The following ANOS1 variants were observed in gnomAD, a reference collection of about 807,000 sequenced individuals.
ANOS1 encodes the protein anosmin-1.
A neutral mutation model predicts 59.0 loss-of-function variants in ANOS1; 6 were observed. That is an observed-to-expected ratio of 0.10 (90% CI 0.06 to 0.20). ANOS1 has a LOEUF of 0.20. Ranked by LOEUF, ANOS1 falls within the 10% of genes least tolerant of loss-of-function variation. The probability of loss-of-function intolerance (pLI) is 1.00; values close to 1 mark genes in which losing one functional copy is unlikely to be tolerated. For missense variants in ANOS1, 433 were observed against 542.3 expected (o/e 0.80, Z 2.00); for synonymous variants, 217 against 223.4 (o/e 0.97, Z 0.25).
At chrX:8,680,506 T>C (rs1932408760) in intron 2 of ANOS1, among the ~76,000 whole-genome samples, 1 of 111,446 alleles carries the variant, frequency 9.0e-6, no homozygotes. Flanking sequence ...TGAACCAGGG[T>C]GTTTTTGTTG....
chrX:8,560,150 T>C (rs1352793949), intron 8 of ANOS1, among the ~76,000 whole-genome samples: 3 of 111,614 alleles, frequency 2.7e-5, no homozygotes, highest in Non-Finnish European at 3.8e-5. Flanking sequence ...TTTGTTTTTC[T>C]TTGGAAACAG....
chrX:8,601,703 T>C (rs1334738898), intron 3 of ANOS1, among the ~76,000 whole-genome samples: 1 of 112,151 alleles, frequency 8.9e-6, no homozygotes, highest in Non-Finnish European at 1.9e-5. Context: ...TCTAGACTGG[T>C]TTATAATCTT....
chrX:8,667,652 G>C (rs894139595), intron 2 of ANOS1, among the ~76,000 whole-genome samples: 2 of 111,567 alleles, frequency 1.8e-5, no homozygotes, highest in Non-Finnish European at 1.9e-5. Flanking sequence ...GTTCATTTCA[G>C]ACCCTGTGAG....
intron 2 of ANOS1, among the ~76,000 whole-genome samples, chrX:8,673,587 G>T (rs543502903): frequency 9.1e-6 from 1 of 110,189 alleles, no homozygotes; most frequent in East Asian, 2.9e-4. Context: ...GACATGGGCA[G>T]CAGTGCAGTT....
intron 2 of ANOS1, among the ~76,000 whole-genome samples, chrX:8,655,107 A>T (rs934584490): frequency 2.7e-5 from 3 of 111,162 alleles, no homozygotes; most frequent in Non-Finnish European, 5.7e-5. Context: ...AGAGCATTAC[A>T]TTTACTGTGC....
intron 1 of ANOS1, among the ~76,000 whole-genome samples, chrX:8,720,555 C>T (rs1176339205): frequency 1.8e-5 from 2 of 111,674 alleles, no homozygotes; most frequent in Admixed American, 9.6e-5. Context: ...TCTTTCTTCA[C>T]GTCAACAACT....
intron 9 of ANOS1, among the ~76,000 whole-genome samples, chrX:8,549,000 T>G (rs1435497560): frequency 8.9e-6 from 1 of 112,091 alleles, no homozygotes; most frequent in East Asian, 2.8e-4. Flanking sequence ...TCCCAGCTTC[T>G]CCTTTGTGGC....
At chrX:8,658,027 G>A (rs185770826) in intron 2 of ANOS1, among the ~76,000 whole-genome samples, 4 of 111,464 alleles carry the variant, frequency 3.6e-5, no homozygotes, top group Non-Finnish European at 7.5e-5. Flanking sequence ...CAGTTCCCGA[G>A]GGCATTAACT....
intron 1 of ANOS1, among the ~76,000 whole-genome samples, chrX:8,714,953 T>A (rs1036211777): frequency 4.4e-5 from 5 of 112,378 alleles, no homozygotes; most frequent in African/African-American, 1.6e-4. Context: ...TGGGTTATTT[T>A]AATATAAACT....
At position 8,532,889 on chromosome X, in the gene ANOS1, C is replaced by G; in HGVS notation, c.*106G>C. 1.9e-6 allele frequency: 1 copy of G among 539,609 alleles called. No individual in the cohort carries two copies. The highest frequency in any genetic ancestry group is 2.3e-5 in the African/African-American group (1 of 44,282). 44.5% of individuals were successfully genotyped at this position (539,609 alleles called of 1,213,427 possible). ...TGCACTAAAGTCACATAGGAGAGTCCGGGCCTCTGAGCAGTTCCCACTGCC... is the reference window on the plus strand; with the variant it reads ...TGCACTAAAGTCACATAGGAGAGTCGGGGCCTCTGAGCAGTTCCCACTGCC... On this transcript the variant is annotated 3_prime_UTR_variant, in exon 14 of 14. Coordinates refer to ENST00000262648, the MANE Select transcript of ANOS1 (RefSeq NM_000216.4).
chrX:8,707,203 C>G (rs1329205696), intron 1 of ANOS1, among the ~76,000 whole-genome samples: 1 of 112,223 alleles, frequency 8.9e-6, no homozygotes, highest in African/African-American at 3.2e-5. Context: ...CTCTCTGGCA[C>G]ATAGCAGCGT....
intron 2 of ANOS1, among the ~76,000 whole-genome samples, chrX:8,697,168 G>A (rs1363500555): frequency 9.0e-6 from 1 of 111,372 alleles, no homozygotes; most frequent in African/African-American, 3.3e-5. Context: ...GCTTGAATCC[G>A]GGAGGCAGAG....
At chrX:8,668,555 CAT>C (rs1309235703) in intron 2 of ANOS1, among the ~76,000 whole-genome samples, 2 of 92,563 alleles carry the variant, frequency 2.2e-5, no homozygotes, top group Admixed American at 1.2e-4. Flanking sequence ...GATGGAATAC[CAT>C]ATATATATAT....
intron 2 of ANOS1, among the ~76,000 whole-genome samples, chrX:8,689,704 T>C (rs1291475522): frequency 4.6e-5 from 5 of 108,192 alleles, no homozygotes; most frequent in Non-Finnish European, 9.6e-5. Context: ...CAAGACCCTG[T>C]TGTCACACAC....
chrX:8,659,584 G>GCCTTCCTT (rs201790891), intron 2 of ANOS1, among the ~76,000 whole-genome samples: 75 of 57,681 alleles, frequency 1.3e-3, no homozygotes, highest in African/African-American at 5.4e-3. Flanking sequence ...TTGCTTGCTT[G>GCCTTCCTT]CCTTCCTTCC....
At chrX:8,619,258 T>A in intron 3 of ANOS1, among the ~76,000 whole-genome samples, 1 of 106,248 alleles carries the variant, frequency 9.4e-6, no homozygotes, top group East Asian at 2.9e-4. Flanking sequence ...ACTGCTGAAA[T>A]ATCTCAATTT....
chrX:8,567,819 A>C (rs1930144658), intron 8 of ANOS1, among the ~76,000 whole-genome samples: 1 of 111,463 alleles, frequency 9.0e-6, no homozygotes, highest in Admixed American at 9.5e-5. Context: ...AACAAAACAA[A>C]ACAAAACAAC....
intron 1 of ANOS1, among the ~76,000 whole-genome samples, chrX:8,721,930 G>A: frequency 8.9e-6 from 1 of 112,164 alleles, no homozygotes; most frequent in Admixed American, 9.4e-5. Flanking sequence ...CCACACTGTT[G>A]CAAGACTCTG....
intron 3 of ANOS1, among the ~76,000 whole-genome samples, chrX:8,598,530 C>T (rs1280657764): frequency 9.0e-6 from 1 of 111,397 alleles, no homozygotes; most frequent in East Asian, 2.8e-4. Context: ...TGCTCTTGCT[C>T]TCCTTTTTCC....
Sources: gnomAD v4.1 joint callset for allele counts (sites outside exome capture counted in the v4.1 genomes callset) on GRCh38, gnomAD v4.1.1 for gene constraint, MANE v1.5 for transcripts, NCBI Gene and HGNC (gene_info 2026-07-23, HGNC 2026-07-21) for gene names.